The following SNRPN variants were observed in gnomAD, a reference collection of about 807,000 sequenced individuals.
SNRPN encodes small nuclear ribonucleoprotein-associated protein N.
In SNRPN, 7 loss-of-function variants were observed where a neutral mutation model predicts 25.2. The observed-to-expected ratio is 0.28, with a 90% CI of 0.16 to 0.52. The LOEUF is 0.52. SNRPN is among the 20% of genes least tolerant of loss of function. SNRPN has a pLI of 0.96. For missense variants in SNRPN, 196 were observed against 322.5 expected (o/e 0.61, Z 3.00); for synonymous variants, 124 against 110.6 (o/e 1.12, Z -0.76).
intron 2 of SNRPN, among the ~76,000 whole-genome samples, chr15:24,835,057 T>TATATATACTATATATATCTATATCTAAA (rs1566807404): frequency 3.9e-5 from 1 of 25,858 alleles, no homozygotes; most frequent in Non-Finnish European, 6.3e-5. Context: ...TATATAAAAA[T>TATATATACTATATATATCTATATCTAAA]ATAGATATAT....
chr15:24,858,385 T>C (rs1021227820), intron 1 of SNRPN, among the ~76,000 whole-genome samples: 2 of 152,180 alleles, frequency 1.3e-5, no homozygotes, highest in African/African-American at 4.8e-5. Context: ...TTCTCAGTTA[T>C]GATTTTTTGC....
chr15:24,964,100 T>G (rs1019437476), intron 2 of SNRPN, among the ~76,000 whole-genome samples: 1 of 152,060 alleles, frequency 6.6e-6, no homozygotes, highest in East Asian at 1.9e-4. Flanking sequence ...AAAGATTTTT[T>G]TTTTATTTTT....
At chr15:24,898,045 T>C (rs2058187416) in intron 2 of SNRPN, among the ~76,000 whole-genome samples, 1 of 152,152 alleles carries the variant, frequency 6.6e-6, no homozygotes, top group Admixed American at 6.5e-5. Flanking sequence ...CAAGAGCATT[T>C]TCTTGGTAAA....
chr15:24,832,126 A>G (rs2050583168), intron 2 of SNRPN, among the ~76,000 whole-genome samples: 1 of 151,916 alleles, frequency 6.6e-6, no homozygotes. Context: ...CACCGACAGT[A>G]CACATGTTCC....
chr15:24,975,022 A>G (rs2076907414), intron 4 of SNRPN: 1 of 701,548 alleles, frequency 1.4e-6, no homozygotes. Flanking sequence ...AACAGTACAG[A>G]GAAAAGCAGT....
intron 2 of SNRPN, among the ~76,000 whole-genome samples, chr15:24,834,990 GAT>G (rs778549429): frequency 3.2e-4 from 17 of 52,926 alleles, no homozygotes; most frequent in African/African-American, 8.3e-4. Context: ...ATATAAAATA[GAT>G]ATATATAGTA....
chr15:24,826,561 A>T (rs1291556688), intron 1 of SNRPN, among the ~76,000 whole-genome samples: 1 of 152,248 alleles, frequency 6.6e-6, no homozygotes, highest in Non-Finnish European at 1.5e-5. Flanking sequence ...TTCTGAAATT[A>T]CTTGACGATT....
At chr15:24,911,255 C>G (rs2059196747) in intron 2 of SNRPN, 1 of 422,170 alleles carries the variant, frequency 2.4e-6, no homozygotes, top group East Asian at 3.7e-5. Context: ...GTTCAGGAGA[C>G]AAAACCAACT....
chr15:24,934,178 G>A (rs2133126), intron 3 of SNRPN, among the ~76,000 whole-genome samples: 68,893 of 151,550 alleles, frequency 0.45, 16,522 homozygotes, highest in Middle Eastern at 0.6. Flanking sequence ...CATGCCTGTA[G>A]TCCCAGCTAC....
chr15:24,968,187 T>C, intron 3 of SNRPN, 105 bp downstream of exon 3: 1 of 726,366 alleles, frequency 1.4e-6, no homozygotes. Flanking sequence ...TCCTTAGAGC[T>C]TCATACAATA....
chr15:24,877,940 G>A (rs8027175), intron 1 of SNRPN, among the ~76,000 whole-genome samples: 10,399 of 152,260 alleles, frequency 0.068, 564 homozygotes, highest in African/African-American at 0.15. Flanking sequence ...AGTAGTGCAC[G>A]GGTTAAAGAA....
At position 24,939,622 on chromosome 15, in the gene SNRPN, G is replaced by A. The variant is rs1377514987; in HGVS notation, c.-391+19498G>A. Among the ~76,000 whole-genome samples, 3 of 152,162 alleles carry A rather than the reference G, an allele frequency of 2.0e-5. No homozygotes were observed. The East Asian group carries it at 5.8e-4, about 29-fold the overall frequency. On this transcript the variant is annotated intron_variant, in intron 3 of 11. Transcript: ENST00000400097. Reference sequence around the variant, plus strand: ...CAATTTTTGTATCTTTAGTAGAGACGGGGTTTCACCGTGTTAACCACGCTG... The same window carrying A: ...CAATTTTTGTATCTTTAGTAGAGACAGGGTTTCACCGTGTTAACCACGCTG...
At chr15:24,875,482 C>T (rs1183101915) in intron 1 of SNRPN, among the ~76,000 whole-genome samples, 1 of 152,166 alleles carries the variant, frequency 6.6e-6, no homozygotes, top group Non-Finnish European at 1.5e-5. Flanking sequence ...GGTCAATGAA[C>T]CATCTGGTGA....
intron 3 of SNRPN, among the ~76,000 whole-genome samples, chr15:24,930,936 C>T (rs2060807646): frequency 6.6e-6 from 1 of 150,384 alleles, no homozygotes; most frequent in South Asian, 2.1e-4. Context: ...CATGGTGGTG[C>T]ACACCTGTAG....
Position 24,827,274 on chromosome 15 carries a change from G to A in SNRPN, c.-686-2524G>A, listed in dbSNP as rs143035162. 3.6e-3 allele frequency among the ~76,000 whole-genome samples: 549 copies of A among 151,964 alleles called. 20 individuals are homozygous for A. The East Asian group carries it at 0.082, about 23-fold the overall frequency. ...TCACGCCTGTAATCCCAGCACTTTG[G>A]GAGGCCGAGGCAGGCGGATCACGAG... is the stretch of plus-strand genomic sequence containing the variant. On this transcript the variant is annotated intron_variant, in intron 1 of 12. Coordinates refer to the SNRPN transcript ENST00000400100.
At chr15:24,885,190 T>C (rs1278196413) in intron 1 of SNRPN, among the ~76,000 whole-genome samples, 1 of 152,196 alleles carries the variant, frequency 6.6e-6, no homozygotes, top group East Asian at 1.9e-4. Context: ...TTTTGTGTTG[T>C]TGTAGGAGTG....
rs34575205 is a variant in SNRPN at position 24,923,923 on chromosome 15, A to ATTTTTTTTTTTT, written c.-391+3813_-391+3824dup. Among the ~76,000 whole-genome samples, 2 of 89,908 alleles carry ATTTTTTTTTTTT rather than the reference A, an allele frequency of 2.2e-5. 1 individual carries two copies. Among genetic ancestry groups the ATTTTTTTTTTTT allele is most frequent in the Non-Finnish European group, 4.0e-5 (2 of 50,616 alleles). 59.0% of individuals were successfully genotyped at this position (89,908 alleles called of 152,430 possible). A position where few individuals can be genotyped will look rare whatever the true frequency, so the allele number is the denominator to read the frequency against. On this transcript the variant is annotated intron_variant, in intron 3 of 11. Coordinates refer to the SNRPN transcript ENST00000400097. ...TGTGTGTGTGTGTGTGTATATAAAC[A>ATTTTTTTTTTTT]TTTTTTTTTTTTTTTTTTTTTTTTT...
chr15:24,977,119 T>TGTGTAA, intron 7 of SNRPN, 90 bp downstream of exon 7: 2 of 1,053,050 alleles, frequency 1.9e-6, no homozygotes, highest in Non-Finnish European at 1.3e-6. Flanking sequence ...GTATGTGTCA[T>TGTGTAA]ACAATGTAAA....
intron 1 of SNRPN, among the ~76,000 whole-genome samples, chr15:24,875,604 A>G (rs1357812971): frequency 1.3e-5 from 2 of 152,064 alleles, no homozygotes; most frequent in African/African-American, 4.8e-5. Flanking sequence ...TTTTCCCCCC[A>G]TTGAACTTTA....
Sources: allele counts gnomAD v4.1 joint callset (sites outside exome capture counted in the v4.1 genomes callset), GRCh38; gene constraint gnomAD v4.1.1; transcripts MANE v1.5; gene names NCBI Gene and HGNC (gene_info 2026-07-23, HGNC 2026-07-21).